The following ARHGAP26 variants were observed in gnomAD, a reference collection of about 807,000 sequenced individuals.
ARHGAP26 encodes Rho GTPase activating protein 26, also known as rho GTPase-activating protein 26.
In ARHGAP26, 38 loss-of-function variants were observed where a neutral mutation model predicts 104.8. The observed-to-expected ratio is 0.36, with a 90% CI of 0.28 to 0.48. ARHGAP26 has a LOEUF of 0.48. Ranked by LOEUF, ARHGAP26 falls within the 20% of genes least tolerant of loss-of-function variation. The pLI, the probability that ARHGAP26 is intolerant of heterozygous loss-of-function variation, is 0.99. For missense variants in ARHGAP26, 704 were observed against 947.9 expected (o/e 0.74, Z 3.38); for synonymous variants, 341 against 340.0 (o/e 1.00, Z -0.03).
intron 19 of ARHGAP26, among the ~76,000 whole-genome samples, chr5:143,137,671 A>G (rs555406122): frequency 6.6e-6 from 1 of 152,042 alleles, no homozygotes; most frequent in Admixed American, 6.5e-5. Flanking sequence ...TTTTCTCTTC[A>G]TTGATGCACT....
intron 20 of ARHGAP26, among the ~76,000 whole-genome samples, chr5:143,179,822 A>T (rs1426675849): frequency 6.6e-6 from 1 of 152,134 alleles, no homozygotes; most frequent in Non-Finnish European, 1.5e-5. Context: ...AAATATAGGA[A>T]TGCCTCATGT....
intron 1 of ARHGAP26, among the ~76,000 whole-genome samples, chr5:142,800,130 A>G (rs1465228044): frequency 6.6e-6 from 1 of 152,240 alleles, no homozygotes; most frequent in African/African-American, 2.4e-5. Context: ...TACCTGCGTA[A>G]TAAGTAACTA....
chr5:142,885,447 G>C, intron 5 of ARHGAP26, 48 bp downstream of exon 5: 2 of 1,504,488 alleles, frequency 1.3e-6, no homozygotes. Flanking sequence ...ATTTGTACAT[G>C]ATGCTGTGGA....
chr5:143,184,523 C>G (rs1804857289), intron 20 of ARHGAP26, among the ~76,000 whole-genome samples: 1 of 152,132 alleles, frequency 6.6e-6, no homozygotes, highest in South Asian at 2.1e-4. Flanking sequence ...CATTCCCTTG[C>G]TATAATTCAG....
intron 10 of ARHGAP26, among the ~76,000 whole-genome samples, chr5:142,917,037 ATT>A (rs35921990): frequency 0.062 from 8,378 of 135,334 alleles, 377 homozygotes; most frequent in East Asian, 0.27. Flanking sequence ...AGACTTTGGA[ATT>A]TTTTTTTTTT....
intron 5 of ARHGAP26, among the ~76,000 whole-genome samples, chr5:142,891,963 A>G (rs1758731609): frequency 6.6e-6 from 1 of 151,756 alleles, no homozygotes; most frequent in Non-Finnish European, 1.5e-5. Flanking sequence ...GCATCTTGCA[A>G]CTCCATACGT....
chr5:142,917,076 G>A (rs1762578246), intron 10 of ARHGAP26, among the ~76,000 whole-genome samples: 1 of 141,870 alleles, frequency 7.0e-6, no homozygotes, highest in African/African-American at 2.7e-5. Context: ...GTCTTGCTCT[G>A]TTGCCCAGGC....
At chr5:143,005,732 A>G (rs56883765) in intron 11 of ARHGAP26, among the ~76,000 whole-genome samples, 4 of 152,242 alleles carry the variant, frequency 2.6e-5, no homozygotes, top group African/African-American at 4.8e-5. Context: ...TTATTTTTCT[A>G]TTCATCATCA....
intron 12 of ARHGAP26, among the ~76,000 whole-genome samples, chr5:143,030,006 T>A (rs1781631272): frequency 6.6e-6 from 1 of 152,174 alleles, no homozygotes; most frequent in Non-Finnish European, 1.5e-5. Flanking sequence ...TGGGGGCATG[T>A]CCTAGTGTGC....
At chr5:143,187,562 C>T (rs1401838904) in intron 20 of ARHGAP26, among the ~76,000 whole-genome samples, 3 of 152,180 alleles carry the variant, frequency 2.0e-5, no homozygotes, top group South Asian at 4.1e-4. Context: ...CTGAGCCATC[C>T]GCCCTGTGGA....
At chr5:143,216,419 A>G (rs1039920049) in intron 22 of ARHGAP26, 1 of 416,522 alleles carries the variant, frequency 2.4e-6, no homozygotes, top group African/African-American at 2.0e-5. Context: ...AAGGCCCTCC[A>G]GGGCCCAGTT....
At chr5:142,835,394 G>A (rs1769356254) in intron 1 of ARHGAP26, among the ~76,000 whole-genome samples, 1 of 152,136 alleles carries the variant, frequency 6.6e-6, no homozygotes, top group Non-Finnish European at 1.5e-5. Context: ...TTTAACTCCT[G>A]GGTCTTGCAA....
chr5:143,018,423 T>C (rs1779880626), intron 12 of ARHGAP26, among the ~76,000 whole-genome samples: 1 of 152,242 alleles, frequency 6.6e-6, no homozygotes, highest in Non-Finnish European at 1.5e-5. Flanking sequence ...TTATGACCCA[T>C]GTCACAAAGA....
chr5:142,776,917 G>A (rs960036542), intron 1 of ARHGAP26, among the ~76,000 whole-genome samples: 1 of 152,024 alleles, frequency 6.6e-6, no homozygotes, highest in Non-Finnish European at 1.5e-5. Flanking sequence ...CCACATCCTC[G>A]CCAATACTTG....
At chr5:142,878,089 A>C (rs1756386552) in intron 3 of ARHGAP26, among the ~76,000 whole-genome samples, 1 of 152,202 alleles carries the variant, frequency 6.6e-6, no homozygotes, top group African/African-American at 2.4e-5. Context: ...TGTCCCTTAC[A>C]TTGTTCAGTT....
chr5:143,057,583 A>G lies in ARHGAP26; in HGVS notation c.1433-59A>G, dbSNP rs983411097. 4.2e-6 allele frequency: 6 copies of G among 1,426,874 alleles called. No homozygotes were observed. In the African/African-American group the frequency reaches 5.7e-5, roughly 14 times the overall value. The allele number at this position is 1,426,874 out of a possible 1,614,324, so 88.4% of individuals were successfully genotyped here. On this transcript the variant is annotated intron_variant, in intron 16 of 22. Coordinates refer to ENST00000645722, the MANE Select transcript of ARHGAP26 (RefSeq NM_001135608.3). ...TCCTTTGGTTTCCCTTAATTTTTCA[A>G]CCTTAAAGTTGTTTAGCTGTGACAC...
In ARHGAP26 at chr5:142,871,379, G is replaced by C. The variant is rs1436864297; in HGVS notation, c.155-2021G>C. On this transcript the variant is annotated intron_variant, in intron 1 of 22. Coordinates refer to ENST00000645722, the MANE Select transcript of ARHGAP26 (RefSeq NM_001135608.3). This position sits in a 1 kb window ranked among gnomAD's most constrained non-coding sequence, Gnocchi z 4.1. ...TCAGGTGTGTGCTGGGAGCTTTCCC[G>C]AGCCTGGCTTGCATTTCACCTGTTT... Among the ~76,000 whole-genome samples the C allele has an allele frequency of 6.6e-6, 1 of 152,206 alleles. No individual in the cohort carries two copies. Among genetic ancestry groups the C allele is most frequent in the Admixed American group, 6.5e-5 (1 of 15,292 alleles).
intron 12 of ARHGAP26, among the ~76,000 whole-genome samples, chr5:143,027,204 C>G (rs1467142959): frequency 6.6e-6 from 1 of 150,672 alleles, no homozygotes; most frequent in Non-Finnish European, 1.5e-5. Flanking sequence ...TGGAGTCTTA[C>G]CCTGTCACCC....
At chr5:143,086,631 C>A (rs1232784311) in intron 17 of ARHGAP26, among the ~76,000 whole-genome samples, 1 of 152,166 alleles carries the variant, frequency 6.6e-6, no homozygotes, top group East Asian at 1.9e-4. Flanking sequence ...GCTCACTGCT[C>A]TAGGGTTTAT....
Sources: gnomAD v4.1 joint callset for allele counts (sites outside exome capture counted in the v4.1 genomes callset) on GRCh38, gnomAD v4.1.1 for gene constraint, Gnocchi (gnomAD v3.1) non-coding constraint, MANE v1.5 for transcripts, NCBI Gene and HGNC (gene_info 2026-07-23, HGNC 2026-07-21) for gene names.